Variants in RPRD2 observed in about 807,000 individuals in gnomAD.
RPRD2 encodes the protein regulation of nuclear pre-mRNA domain containing 2, also known as regulation of nuclear pre-mRNA domain-containing protein 2.
A neutral mutation model predicts 104.4 loss-of-function variants in RPRD2; 12 were observed. That is an observed-to-expected ratio of 0.11 (90% CI 0.07 to 0.19). The LOEUF (loss-of-function observed/expected upper bound fraction) is 0.19, where lower values mean the gene tolerates loss of function less well. Ranked by LOEUF, RPRD2 falls within the 10% of genes least tolerant of loss-of-function variation. The probability of loss-of-function intolerance (pLI) is 1.00; values close to 1 mark genes in which losing one functional copy is unlikely to be tolerated. For missense variants in RPRD2, 1,543 were observed against 1,790.1 expected, an observed-to-expected ratio of 0.86 and a Z score of 2.49; for synonymous variants, 714 against 684.9, an observed-to-expected ratio of 1.04 and a Z score of -0.66.
At chr1:150,445,123 G>A (rs1490516378) in intron 6 of RPRD2, among the ~76,000 whole-genome samples, 2 of 152,218 alleles carry the variant, frequency 1.3e-5, no homozygotes, top group Non-Finnish European at 2.9e-5. Flanking sequence ...GGAGGCTGTA[G>A]TGAACTCTCA....
intron 1 of RPRD2, among the ~76,000 whole-genome samples, chr1:150,396,063 T>A (rs1295391650): frequency 6.6e-6 from 1 of 152,166 alleles, no homozygotes; most frequent in African/African-American, 2.4e-5. Flanking sequence ...TATCACATTG[T>A]GGTTTTGATT....
rs199731788 is a variant in RPRD2, at chr1:150,471,043, G to A, written c.2095G>A (p.Ala699Thr). The change falls in exon 11 of 11, where the codon GCC (alanine) becomes ACC (threonine). Residue 699 changes from alanine (A) to threonine (T), a missense_variant. By Grantham distance (58) the Ala-to-Thr change is moderately conservative (BLOSUM62 0). This residue lies in a region of RPRD2 where 572 missense variants were observed against 787.3 expected (regional missense o/e 0.73). Coordinates refer to ENST00000369068, the MANE Select transcript of RPRD2 (RefSeq NM_015203.5). The surrounding 1 kb of genome is among the most constrained non-coding windows in gnomAD (Gnocchi z 5.3). ...AATCCTGAGCAGTTTGGGGTCCAGC[G>A]CCCCATCAGAGAGCCATCCCTCAGA... ...IPILSSLGSS[A>T]PSESHPSDFQ... is the part of the protein sequence containing the mutation. 2.9e-5 allele frequency: 46 copies of A among 1,613,860 alleles called. No individual in the cohort carries two copies. Among genetic ancestry groups the A allele is most frequent in the East Asian group, 4.5e-5 (2 of 44,876 alleles).
At chr1:150,369,623 A>ATTTTTT (rs61016870) in intron 1 of RPRD2, among the ~76,000 whole-genome samples, 24 of 68,852 alleles carry the variant, frequency 3.5e-4, no homozygotes, top group Non-Finnish European at 4.8e-4. Context: ...CGCCCAGCTA[A>ATTTTTT]TTTTTTTTTT....
rs1668551666 is a variant in RPRD2, at chr1:150,470,988, T to G, written c.2040T>G (p.Pro680=). The G allele has an allele frequency of 1.9e-6, 3 of 1,614,046 alleles. No homozygotes were observed. The highest frequency in any genetic ancestry group is 2.5e-6 in the Non-Finnish European group (3 of 1,179,894). Residue 680 remains proline, a synonymous_variant, in exon 11 of 11, where the codon CCT becomes CCG. Coordinates refer to ENST00000369068, the MANE Select transcript of RPRD2 (RefSeq NM_015203.5). ...TTCACAACTTCTTAAAAGGTAATCC[T>G]GGTTTCAGTGGCTTAAACTTAAACA... is the stretch of plus-strand genomic sequence containing the variant. ...MKIHNFLKGN[P]GFSGLNLNIP... is the part of the protein sequence containing the mutation.
At chr1:150,442,933 G>A (rs1488792913) in intron 4 of RPRD2, among the ~76,000 whole-genome samples, 1 of 151,262 alleles carries the variant, frequency 6.6e-6, no homozygotes, top group African/African-American at 2.4e-5. Flanking sequence ...ACCCAGACTA[G>A]GAAAAAAAGG....
At chr1:150,419,950 G>C (rs1234357263) in intron 2 of RPRD2, among the ~76,000 whole-genome samples, 1 of 152,010 alleles carries the variant, frequency 6.6e-6, no homozygotes, top group Non-Finnish European at 1.5e-5. Context: ...TTTTAAGGAA[G>C]AAGAAACTGT....
rs1570809659 is a variant in RPRD2, at chr1:150,472,371, C to T, written c.3423C>T (p.Gly1141=). 6.2e-7 allele frequency: 1 copy of T among 1,613,852 alleles called. No individual in the cohort carries two copies. Among genetic ancestry groups the T allele is most frequent in the African/African-American group, 1.3e-5 (1 of 74,904 alleles). Residue 1141 remains glycine, a synonymous_variant, in exon 11 of 11, where the codon GGC becomes GGT. Coordinates refer to ENST00000369068, the MANE Select transcript of RPRD2 (RefSeq NM_015203.5). ...CATCAGGTAGCTCTTTTGACAATGG[C>T]CCTTCAAGTGCCTCTGAGTTGGCAT... The part of the protein sequence containing the change: ...LSTSGSSFDN[G]PSSASELASL...
chr1:150,381,273 A>G (rs1462958882), intron 1 of RPRD2, among the ~76,000 whole-genome samples: 1 of 151,516 alleles, frequency 6.6e-6, no homozygotes, highest in East Asian at 2.0e-4. Context: ...AAAAAAAAAA[A>G]TAGGTAGACA....
At chr1:150,468,354 TA>T (rs71578501) in intron 10 of RPRD2, among the ~76,000 whole-genome samples, 97 of 144,732 alleles carry the variant, frequency 6.7e-4, no homozygotes, top group Middle Eastern at 3.5e-3. Flanking sequence ...TAAAAATAAT[TA>T]AAAAAAAAAA....
intron 1 of RPRD2, among the ~76,000 whole-genome samples, chr1:150,416,280 T>C (rs587770904): frequency 1.3e-5 from 2 of 152,130 alleles, no homozygotes; most frequent in South Asian, 4.2e-4. Flanking sequence ...TGATGAAGAA[T>C]TGAGTACTGA....
In RPRD2 at chr1:150,470,970, C is replaced by T. The variant is rs587742799; in HGVS notation, c.2022C>T (p.Asn674=). Residue 674 remains asparagine, a synonymous_variant, in exon 11 of 11, where the codon AAC becomes AAT. Transcript: ENST00000369068. ...CAAGCCTGGAAATGAAGATTCACAACTTCTTAAAAGGTAATCCTGGTTTCA... is the reference window on the plus strand; with the variant it reads ...CAAGCCTGGAAATGAAGATTCACAATTTCTTAAAAGGTAATCCTGGTTTCA... ...TSPSLEMKIH[N]FLKGNPGFSG... 2.4e-4 allele frequency: 392 copies of T among 1,614,056 alleles called. 5 individuals are homozygous for T. In the South Asian group the frequency reaches 4.0e-3, roughly 17 times the overall value.
At chr1:150,450,243 A>G (rs1432237177) in intron 7 of RPRD2, among the ~76,000 whole-genome samples, 1 of 152,070 alleles carries the variant, frequency 6.6e-6, no homozygotes, top group Non-Finnish European at 1.5e-5. Context: ...GTACCCCATT[A>G]TCCAAAATGT....
rs782671315 is a variant in RPRD2, at chr1:150,441,007, A to G, written c.420A>G (p.Ala140=). 3.8e-6 allele frequency: 6 copies of G among 1,563,260 alleles called. No individual in the cohort carries two copies. The highest frequency in any genetic ancestry group is 5.2e-6 in the Non-Finnish European group (6 of 1,149,832). The change falls in exon 3 of 11, where the codon GCA becomes GCG. Residue 140 remains alanine (A), a synonymous_variant. Transcript: ENST00000369068. ...RNVYPEEMIV[A]LREALSTTFK... ...TATACCCAGAAGAAATGATTGTGGC[A>G]TTGAGAGAAGCTTTGAGTAAGTGTC...
chr1:150,457,642 A>G, intron 8 of RPRD2, 72 bp downstream of exon 8: 1 of 1,231,432 alleles, frequency 8.1e-7, no homozygotes, highest in South Asian at 1.3e-5. Flanking sequence ...AATACATCAC[A>G]GGCAGGTATT....
At chr1:150,421,798 G>A (rs1040124971) in intron 2 of RPRD2, among the ~76,000 whole-genome samples, 8 of 152,016 alleles carry the variant, frequency 5.3e-5, no homozygotes, top group Middle Eastern at 3.4e-3. Flanking sequence ...GCAATATAGC[G>A]AGACCCTGTC....
intron 2 of RPRD2, among the ~76,000 whole-genome samples, chr1:150,436,738 C>G (rs1553893206): frequency 6.6e-6 from 1 of 151,722 alleles, no homozygotes; most frequent in African/African-American, 2.4e-5. Context: ...GAAACCCCGT[C>G]TCTACTAAAA....
intron 1 of RPRD2, among the ~76,000 whole-genome samples, chr1:150,400,705 T>C (rs1553885159): frequency 6.6e-6 from 1 of 151,738 alleles, no homozygotes; most frequent in Non-Finnish European, 1.5e-5. Flanking sequence ...ACATTCTTCC[T>C]TTTCCGCTGT....
intron 1 of RPRD2, among the ~76,000 whole-genome samples, chr1:150,415,728 G>A (rs1664286711): frequency 6.6e-6 from 1 of 152,088 alleles, no homozygotes; most frequent in African/African-American, 2.4e-5. Flanking sequence ...AGTTAATGGA[G>A]CATAAGGTTC....
At chr1:150,381,751 G>T (rs923072955) in intron 1 of RPRD2, among the ~76,000 whole-genome samples, 1 of 151,898 alleles carries the variant, frequency 6.6e-6, no homozygotes, top group Non-Finnish European at 1.5e-5. Context: ...TGATCCGCCC[G>T]CCTTAGCCTC....
Sources: allele counts gnomAD v4.1 joint callset (sites outside exome capture counted in the v4.1 genomes callset), GRCh38; gene constraint gnomAD v4.1.1; regional missense constraint gnomAD v4.1.1; non-coding constraint Gnocchi (gnomAD v3.1); transcripts MANE v1.5; gene names NCBI Gene and HGNC (gene_info 2026-07-23, HGNC 2026-07-21).